The following VPS8 variants were observed in gnomAD, a reference collection of about 807,000 sequenced individuals.
The protein encoded by VPS8 is vacuolar protein sorting-associated protein 8 homolog.
A neutral mutation model predicts 216.4 loss-of-function variants in VPS8; 129 were observed. The observed-to-expected ratio is 0.60, with a 90% CI of 0.52 to 0.69. The LOEUF (loss-of-function observed/expected upper bound fraction) is 0.69. Among genes scored for constraint, VPS8 ranks in the 30% least tolerant of loss-of-function variants. The pLI is 0.00. For missense variants in VPS8, 1,531 were observed against 1,683.5 expected (o/e 0.91, Z 1.59); for synonymous variants, 571 against 565.4 (o/e 1.01, Z -0.14).
chr3:184,936,428 TC>T (rs1183020782), intron 35 of VPS8, 93 bp downstream of exon 35: 4 of 1,196,632 alleles, frequency 3.3e-6, no homozygotes, highest in Non-Finnish European at 4.8e-6. Flanking sequence ...AGTGATTTCT[TC>T]AGTTGACATT....
At chr3:184,871,894 A>G (rs1728416786) in intron 21 of VPS8, among the ~76,000 whole-genome samples, 9 of 152,200 alleles carry the variant, frequency 5.9e-5, no homozygotes, top group Admixed American at 5.9e-4. Context: ...CTGGTATCAG[A>G]GAAGCATTTG....
rs560950590 is a variant in VPS8 at position 184,996,924 on chromosome 3, G to A, written c.3836+423G>A. Among the ~76,000 whole-genome samples the A allele has an allele frequency of 3.3e-5, 5 of 152,262 alleles. No homozygotes were observed. In the East Asian group the frequency reaches 7.7e-4, roughly 23 times the overall value. Reference sequence around the variant, plus strand: ...AGTATAAGAGAAAAATGAATCTTTGGTCTGAGCAATTGGGTAAACATGGTA... The same window carrying A: ...AGTATAAGAGAAAAATGAATCTTTGATCTGAGCAATTGGGTAAACATGGTA... On this transcript the variant is annotated intron_variant, in intron 44 of 47. Transcript: ENST00000625842.
intron 1 of VPS8, among the ~76,000 whole-genome samples, chr3:184,813,009 T>A (rs1379408508): frequency 6.6e-6 from 1 of 152,142 alleles, no homozygotes; most frequent in Non-Finnish European, 1.5e-5. Context: ...TCGAGGCTAC[T>A]CCTGTGCCTT....
intron 3 of VPS8, among the ~76,000 whole-genome samples, chr3:184,826,546 C>T (rs1297658552): frequency 1.3e-5 from 2 of 152,236 alleles, no homozygotes; most frequent in African/African-American, 2.4e-5. Context: ...TTGTGAGCTT[C>T]TCAAGGGCAT....
intron 45 of VPS8, among the ~76,000 whole-genome samples, chr3:185,017,562 T>C (rs111681220): frequency 0.014 from 2,144 of 152,312 alleles, 46 homozygotes; most frequent in African/African-American, 0.048. Context: ...TTGAATTTCC[T>C]CATTGTAATC....
chr3:184,859,965 T>G lies in VPS8; in HGVS notation c.1144-20T>G. 1 of 1,599,980 alleles carries G rather than the reference T, an allele frequency of 6.3e-7. No individual in the cohort carries two copies. Among genetic ancestry groups the G allele is most frequent in the Non-Finnish European group, 8.5e-7 (1 of 1,170,102 alleles). On this transcript the variant is annotated intron_variant, in intron 14 of 47. Transcript: ENST00000625842. ...CTCAAACAGTAGCTGGTTTTTAGGTTGTTTTTATTTCATCATCAGGTAAAG... is the reference window on the plus strand; with the variant it reads ...CTCAAACAGTAGCTGGTTTTTAGGTGGTTTTTATTTCATCATCAGGTAAAG...
intron 36 of VPS8, among the ~76,000 whole-genome samples, chr3:184,949,545 G>A (rs970558134): frequency 9.9e-5 from 15 of 152,110 alleles, no homozygotes; most frequent in African/African-American, 3.6e-4. Context: ...GGATCGTGGC[G>A]GTCTTGGTGG....
intron 36 of VPS8, among the ~76,000 whole-genome samples, chr3:184,947,218 G>A (rs1576941329): frequency 6.6e-6 from 1 of 152,192 alleles, no homozygotes; most frequent in Non-Finnish European, 1.5e-5. Flanking sequence ...ATAGAGGCGG[G>A]AGCAGAGAGT....
At chr3:184,818,657 A>T (rs1436301612) in intron 1 of VPS8, among the ~76,000 whole-genome samples, 2 of 152,164 alleles carry the variant, frequency 1.3e-5, no homozygotes, top group Admixed American at 6.5e-5. Flanking sequence ...AAATGCTTGG[A>T]TTGGGAAGGC....
chr3:185,003,796 C>T (rs1753795206), intron 45 of VPS8, among the ~76,000 whole-genome samples: 1 of 151,638 alleles, frequency 6.6e-6, no homozygotes, highest in African/African-American at 2.4e-5. Context: ...CTCCTCACTT[C>T]TCAGACGGGG....
Position 185,017,221 on chromosome 3 carries a change from C to G in VPS8, c.4003-7115C>G, listed in dbSNP as rs150358910. ...GCAAAATATAACTACTTTGATAATA[C>G]TTCAGGGGCTTTACCAACTCCAGCT... is the stretch of plus-strand genomic sequence containing the variant. On this transcript the variant is annotated intron_variant, in intron 45 of 47. Transcript: ENST00000625842. 3.7e-3 allele frequency among the ~76,000 whole-genome samples: 560 copies of G among 152,202 alleles called. 4 individuals are homozygous for G. Among genetic ancestry groups the G allele is most frequent in the African/African-American group, 0.012 (503 of 41,524 alleles).
intron 7 of VPS8, among the ~76,000 whole-genome samples, chr3:184,841,665 C>G (rs1391603206): frequency 6.6e-6 from 1 of 152,154 alleles, no homozygotes; most frequent in African/African-American, 2.4e-5. Flanking sequence ...TCAGCCTGCT[C>G]TCCTATCAGG....
rs376218331 is a variant in VPS8 at position 185,016,938 on chromosome 3, T to C, written c.4003-7398T>C. Among the ~76,000 whole-genome samples the C allele has an allele frequency of 2.8e-4, 43 of 152,058 alleles. No homozygotes were observed. The South Asian group carries it at 8.7e-3, about 31-fold the overall frequency. ...GCTTAACAATGGCCACCATCAGAAATGATATCCTAAACTTTGGTAGGAACT... is the reference window on the plus strand; with the variant it reads ...GCTTAACAATGGCCACCATCAGAAACGATATCCTAAACTTTGGTAGGAACT... On this transcript the variant is annotated intron_variant, in intron 45 of 47. Transcript: ENST00000625842.
chr3:184,952,670 G>A (rs1042099727), intron 36 of VPS8, among the ~76,000 whole-genome samples: 3 of 152,180 alleles, frequency 2.0e-5, no homozygotes, highest in East Asian at 1.9e-4. Flanking sequence ...CAAGCTTCAC[G>A]CCTTTTTGTG....
chr3:185,007,769 C>T (rs75994916), intron 45 of VPS8, among the ~76,000 whole-genome samples: 131 of 152,226 alleles, frequency 8.6e-4, no homozygotes, highest in African/African-American at 3.1e-3. Context: ...AACGTTTTGT[C>T]TTTTGGGGTA....
At chr3:184,953,114 A>C (rs1457418620) in intron 36 of VPS8, among the ~76,000 whole-genome samples, 1 of 152,198 alleles carries the variant, frequency 6.6e-6, no homozygotes, top group African/African-American at 2.4e-5. Context: ...ACCTGGGTCC[A>C]CTTACCTGGT....
chr3:184,994,087 T>C, intron 43 of VPS8, 24 bp downstream of exon 43: 2 of 1,488,992 alleles, frequency 1.3e-6, no homozygotes, highest in African/African-American at 2.8e-5. Context: ...TTGTTACATC[T>C]AAGTCTGTCC....
chr3:184,852,433 A>G, intron 10 of VPS8, 67 bp from the exon 11 acceptor site: 1 of 1,440,110 alleles, frequency 6.9e-7, no homozygotes, highest in Non-Finnish European at 9.6e-7. Flanking sequence ...AAAATTGTAT[A>G]ATTTTTTCCT....
chr3:184,837,582 G>A (rs1295177066), intron 5 of VPS8, among the ~76,000 whole-genome samples: 1 of 152,188 alleles, frequency 6.6e-6, no homozygotes, highest in African/African-American at 2.4e-5. Context: ...GCTATCCAGA[G>A]CATTGTGTGT....
Sources: gnomAD v4.1 joint callset for allele counts (sites outside exome capture counted in the v4.1 genomes callset) on GRCh38, gnomAD v4.1.1 for gene constraint, MANE v1.5 for transcripts, NCBI Gene and HGNC (gene_info 2026-07-23, HGNC 2026-07-21) for gene names.